MGAT4C: variants seen among roughly 807,000 people sequenced by gnomAD.
MGAT4C encodes alpha-1,3-mannosyl-glycoprotein 4-beta-N-acetylglucosaminyltransferase C.
Under a neutral mutation model 40.1 loss-of-function variants are expected in MGAT4C, and 19 were observed. That is an observed-to-expected ratio of 0.47 (90% CI 0.33 to 0.70). MGAT4C has a LOEUF of 0.70. Among genes scored for constraint, MGAT4C ranks in the 30% least tolerant of loss-of-function variants. The probability of loss-of-function intolerance (pLI) is 0.02; values close to 1 mark genes in which losing one functional copy is unlikely to be tolerated. For synonymous variants in MGAT4C, 181 were observed against 187.1 expected (o/e 0.97, Z 0.27); for missense variants, 491 against 563.2 (o/e 0.87, Z 1.30).
At chr12:86,083,238 AGACATTC>A (rs1871171457) in intron 1 of MGAT4C, among the ~76,000 whole-genome samples, 1 of 152,030 alleles carries the variant, frequency 6.6e-6, no homozygotes, top group African/African-American at 2.4e-5. Flanking sequence ...GACTTACTCT[AGACATTC>A]ATACCTTCTC....
chr12:86,631,780 T>C (rs1259175079), intron 2 of MGAT4C, among the ~76,000 whole-genome samples: 2 of 152,066 alleles, frequency 1.3e-5, no homozygotes, highest in African/African-American at 2.4e-5. Flanking sequence ...ACTTAAATGT[T>C]AGACCTAAAA....
intron 1 of MGAT4C, among the ~76,000 whole-genome samples, chr12:86,824,736 CAA>C (rs35714537): frequency 5.1e-4 from 31 of 60,304 alleles, no homozygotes; most frequent in African/African-American, 1.2e-3. Context: ...ACAGCCAGGC[CAA>C]AAAAAAAAAA....
intron 4 of MGAT4C, 62 bp from the exon 5 acceptor site, chr12:85,980,492 G>C: frequency 1.4e-6 from 2 of 1,419,760 alleles, no homozygotes; most frequent in Non-Finnish European, 1.9e-6. Context: ...AAGTAAAAGA[G>C]AGAAGATATT....
At chr12:86,215,971 C>T (rs776126014) in intron 1 of MGAT4C, among the ~76,000 whole-genome samples, 7 of 151,956 alleles carry the variant, frequency 4.6e-5, no homozygotes, top group African/African-American at 9.7e-5. Context: ...ACTGGGATCT[C>T]GGATTGAATT....
intron 2 of MGAT4C, among the ~76,000 whole-genome samples, chr12:86,680,552 G>A (rs1949962863): frequency 6.6e-6 from 1 of 152,164 alleles, no homozygotes; most frequent in East Asian, 1.9e-4. Flanking sequence ...GATACATAGA[G>A]CATAAATTCT....
intron 2 of MGAT4C, among the ~76,000 whole-genome samples, chr12:86,580,521 C>T (rs1960739901): frequency 6.6e-6 from 1 of 151,416 alleles, no homozygotes; most frequent in African/African-American, 2.4e-5. Flanking sequence ...TTGACAGAAA[C>T]ATTTATCAGC....
chr12:86,781,616 C>T (rs954369356), intron 1 of MGAT4C, among the ~76,000 whole-genome samples: 1 of 151,982 alleles, frequency 6.6e-6, no homozygotes, highest in African/African-American at 2.4e-5. Flanking sequence ...AGGCACTTTT[C>T]TAGACACTTA....
intron 2 of MGAT4C, among the ~76,000 whole-genome samples, chr12:86,617,028 A>G (rs1013590990): frequency 1.3e-5 from 2 of 152,208 alleles, no homozygotes; most frequent in African/African-American, 4.8e-5. Flanking sequence ...ATTAAAATAC[A>G]TTGATTACAT....
At chr12:86,337,300 T>C (rs76184635) in intron 3 of MGAT4C, among the ~76,000 whole-genome samples, 2,063 of 152,202 alleles carry the variant, frequency 0.014, 36 homozygotes, top group African/African-American at 0.048. Flanking sequence ...TCTGATGTTT[T>C]TAAAGTTGGG....
At chr12:86,431,128 C>T (rs1211822088) in intron 3 of MGAT4C, among the ~76,000 whole-genome samples, 1 of 152,132 alleles carries the variant, frequency 6.6e-6, no homozygotes, top group African/African-American at 2.4e-5. Flanking sequence ...TATAGGGACT[C>T]AAACTAGGTG....
intron 1 of MGAT4C, among the ~76,000 whole-genome samples, chr12:86,774,903 CA>C (rs1349186593): frequency 6.6e-6 from 1 of 152,028 alleles, no homozygotes; most frequent in African/African-American, 2.4e-5. Flanking sequence ...CCAATTCTTG[CA>C]AATTTAAAAG....
chr12:86,495,845 T>C (rs1240128272), intron 2 of MGAT4C, among the ~76,000 whole-genome samples: 1 of 151,946 alleles, frequency 6.6e-6, no homozygotes, highest in Non-Finnish European at 1.5e-5. Context: ...GATGACTACA[T>C]CCAGACAATA....
intron 2 of MGAT4C, among the ~76,000 whole-genome samples, chr12:86,513,659 G>T (rs1234344487): frequency 6.6e-6 from 1 of 152,120 alleles, no homozygotes; most frequent in Non-Finnish European, 1.5e-5. Flanking sequence ...GTATCAATGG[G>T]AATGGTAGAG....
At chr12:86,158,127 C>G (rs1885177880) in intron 1 of MGAT4C, among the ~76,000 whole-genome samples, 2 of 152,074 alleles carry the variant, frequency 1.3e-5, no homozygotes, top group South Asian at 2.1e-4. Context: ...ATATATATCT[C>G]CTTCTAATAA....
chr12:86,183,274 C>T (rs896449174), intron 1 of MGAT4C, among the ~76,000 whole-genome samples: 19 of 152,026 alleles, frequency 1.2e-4, no homozygotes, highest in African/African-American at 4.3e-4. Flanking sequence ...GCATCTGTTT[C>T]CATCTTCAGA....
chr12:86,607,310 C>A (rs1962076433), intron 2 of MGAT4C, among the ~76,000 whole-genome samples: 1 of 151,944 alleles, frequency 6.6e-6, no homozygotes, highest in Non-Finnish European at 1.5e-5. Flanking sequence ...ATGAGTTAGA[C>A]AGTGATTGTA....
chr12:85,959,296 A>G lies in MGAT4C; in HGVS notation c.*19993T>C, dbSNP rs1243108328. 1 of 152,106 alleles carries G rather than the reference A, an allele frequency of 6.6e-6. No homozygotes were observed. The highest frequency in any genetic ancestry group is 1.9e-4 in the East Asian group (1 of 5,200). 9.4% of individuals were successfully genotyped at this position (152,106 alleles called of 1,614,324 possible). The stretch of plus-strand genomic sequence containing the variant: ...CATGAAGACTAGAAGATTTACACTC[A>G]TAAGATCATGTAAATTTATTTGGAT... On this transcript the variant is annotated 3_prime_UTR_variant, in exon 5 of 5. Transcript: ENST00000611864.
chr12:86,414,043 T>C (rs1056634457), intron 3 of MGAT4C, among the ~76,000 whole-genome samples: 1 of 151,876 alleles, frequency 6.6e-6, no homozygotes, highest in African/African-American at 2.4e-5. Flanking sequence ...AGGAAGAAAT[T>C]GCTCCAGAAA....
intron 2 of MGAT4C, among the ~76,000 whole-genome samples, chr12:86,646,592 C>T (rs4497479): frequency 0.12 from 17,966 of 151,576 alleles, 1,750 homozygotes; most frequent in African/African-American, 0.27. Context: ...TTTATGCGGC[C>T]CTGGCTATTT....
Sources: allele counts gnomAD v4.1 joint callset (sites outside exome capture counted in the v4.1 genomes callset), GRCh38; gene constraint gnomAD v4.1.1; transcripts MANE v1.5; gene names NCBI Gene and HGNC (gene_info 2026-07-23, HGNC 2026-07-21).